OR5W2: variants seen among roughly 807,000 people sequenced by gnomAD.
The protein encoded by OR5W2 is olfactory receptor 5W2.
For synonymous variants in OR5W2, 164 were observed against 138.2 expected, an observed-to-expected ratio of 1.19 and a Z score of -1.31; for missense variants, 444 against 357.1, an observed-to-expected ratio of 1.24 and a Z score of -1.96.
chr11:55,913,722 G>C lies in OR5W2; in HGVS notation c.861C>G (p.Pro287=). 6.2e-7 allele frequency: 1 copy of C among 1,613,896 alleles called. No individual in the cohort carries two copies. The highest frequency in any genetic ancestry group is 2.2e-5 in the East Asian group (1 of 44,868). Residue 287 remains proline (P), a synonymous_variant, in exon 1 of 1, where the codon CCC becomes CCG. Coordinates refer to ENST00000344514, the MANE Select transcript of OR5W2 (RefSeq NM_001001960.1). ...FYTLVVPMLN[P]LIYSLRNKDV... ...CCTTGTTCCTCAGGCTATAAATCAG[G>C]GGGTTCAACATGGGAACCACAAGGG...
rs1325256717 is a variant in OR5W2 at position 55,914,001 on chromosome 11, G to A, written c.582C>T (p.Val194=). ...AGACGGTGAATAACACTAACTCATT[G>A]ACCTGTGTATCTGAGCGAGAGAGTA... The part of the protein sequence containing the change: ...LLLLSRSDTQ[V]NELVLFTVFG... The change falls in exon 1 of 1, where the codon GTC becomes GTT. Residue 194 remains valine, a synonymous_variant. Coordinates refer to ENST00000344514, the MANE Select transcript of OR5W2 (RefSeq NM_001001960.1). 1.2e-5 allele frequency: 19 copies of A among 1,612,574 alleles called. No homozygotes were observed. Among genetic ancestry groups the A allele is most frequent in the Non-Finnish European group, 1.6e-5 (19 of 1,178,592 alleles).
Position 55,914,556 on chromosome 11 carries a change from T to G in OR5W2, c.27A>C (p.Leu9Phe). The change falls in exon 1 of 1, where the codon TTA becomes TTC. Residue 9 changes from leucine (L) to phenylalanine (F), a missense_variant. By Grantham distance (22) the Leu-to-Phe change is conservative. Coordinates refer to ENST00000344514, the MANE Select transcript of OR5W2 (RefSeq NM_001001960.1). The stretch of plus-strand genomic sequence containing the variant: ...TAATTCCCAAGAGAAAAAAATCAGT[T>G]AATGAGGAGCAATTTTCCCAGTCCA... MDWENCSS[L>F]TDFFLLGITN... 1 of 1,602,046 alleles carries G rather than the reference T, an allele frequency of 6.2e-7. No individual in the cohort carries two copies. Among genetic ancestry groups the G allele is most frequent in the South Asian group, 1.1e-5 (1 of 89,796 alleles).
rs1483059487 is a variant in OR5W2, at chr11:55,914,118, A to G, written c.465T>C (p.Asp155=). 1.2e-6 allele frequency: 2 copies of G among 1,613,958 alleles called. No homozygotes were observed. The highest frequency in any genetic ancestry group is 1.3e-5 in the African/African-American group (1 of 75,064). ...AGGCCAGTGTCATATGTATCAAAGCATCTGCTATTCCCACCAGATAAACCC... is the reference window on the plus strand; with the variant it reads ...AGGCCAGTGTCATATGTATCAAAGCGTCTGCTATTCCCACCAGATAAACCC... ...LTGVYLVGIA[D]ALIHMTLAFR... is the part of the protein sequence containing the mutation. The change falls in exon 1 of 1, where the codon GAT becomes GAC. Residue 155 remains aspartate (D), a synonymous_variant. Transcript: ENST00000344514.
In OR5W2 at chr11:55,913,940, A is replaced by G. The variant is rs17596422; in HGVS notation, c.643T>C (p.Phe215Leu). The change falls in exon 1 of 1, where the codon TTC (phenylalanine) becomes CTC (leucine). Residue 215 changes from phenylalanine (F) to leucine (L), a missense_variant. Phe to Leu is a conservative substitution (Grantham distance 22). Coordinates refer to ENST00000344514, the MANE Select transcript of OR5W2 (RefSeq NM_001001960.1). The stretch of plus-strand genomic sequence containing the variant: ...AGGATGATATAACAATAAGAAATGA[A>G]AACTCCTGAAATGGTACTCAGTTCA... ...FIELSTISGVFISYCYIILSV... is the reference protein window; with the variant it reads ...FIELSTISGVLISYCYIILSV... 0.072 allele frequency: 116,411 copies of G among 1,612,896 alleles called. 4,853 individuals are homozygous for G. The highest frequency in any genetic ancestry group is 0.082 in the Non-Finnish European group (96,403 of 1,178,888).
rs1854919948 is a variant in OR5W2 at position 55,914,384 on chromosome 11, A to T, written c.199T>A (p.Ser67Thr). Reference protein sequence around the residue: ...TPMYFFLSHLSFCDLCYSTAT... With the variant: ...TPMYFFLSHLTFCDLCYSTAT... ...GTAGAATAGCAGAGATCACAGAAAG[A>T]CAGATGACTGAGGAAGAAATACATT... The change falls in exon 1 of 1, where the codon TCT (serine) becomes ACT (threonine). Residue 67 changes from serine (S) to threonine (T), a missense_variant. Physicochemically the swap from Ser to Thr is moderately conservative, Grantham distance 58 (BLOSUM62 1). Coordinates refer to ENST00000344514, the MANE Select transcript of OR5W2 (RefSeq NM_001001960.1). 6.8e-6 allele frequency: 11 copies of T among 1,613,862 alleles called. No homozygotes were observed. In the South Asian group the frequency reaches 8.8e-5, roughly 13 times the overall value.
rs751239972 is a variant in OR5W2, at chr11:55,913,921, A to T, written c.662T>A (p.Ile221Asn). ...GTGTATCTCCAAGACTGATAGGATGATATAACAATAAGAAATGAAAACTCC... is the reference window on the plus strand; with the variant it reads ...GTGTATCTCCAAGACTGATAGGATGTTATAACAATAAGAAATGAAAACTCC... ...ISGVFISYCYIILSVLEIHSA... is the reference protein window; with the variant it reads ...ISGVFISYCYNILSVLEIHSA... The change falls in exon 1 of 1, where the codon ATC (isoleucine) becomes AAC (asparagine). Residue 221 changes from isoleucine to asparagine, a missense_variant. Transcript: ENST00000344514. The T allele has an allele frequency of 6.2e-7, 1 of 1,613,996 alleles. No homozygotes were observed. The highest frequency in any genetic ancestry group is 2.2e-5 in the East Asian group (1 of 44,884).
At position 55,914,302 on chromosome 11, in the gene OR5W2, A is replaced by G; in HGVS notation, c.281T>C (p.Phe94Ser). The G allele has an allele frequency of 6.2e-7, 1 of 1,614,158 alleles. No homozygotes were observed. The highest frequency in any genetic ancestry group is 8.5e-7 in the Non-Finnish European group (1 of 1,180,026). The change falls in exon 1 of 1, where the codon TTC (phenylalanine) becomes TCC (serine). Residue 94 changes from phenylalanine (F) to serine (S), a missense_variant. Coordinates refer to ENST00000344514, the MANE Select transcript of OR5W2 (RefSeq NM_001001960.1). ...CAAGAATTGCAGAGCACAGCCATAG[A>G]AGGGTATTGACTTGTTCTTGGCAAG... ...DLLAKNKSIP[F>S]YGCALQFLVF...
chr11:55,914,259 T>G lies in OR5W2; in HGVS notation c.324A>C (p.Ala108=). 1 of 1,614,020 alleles carries G rather than the reference T, an allele frequency of 6.2e-7. No individual in the cohort carries two copies. The highest frequency in any genetic ancestry group is 8.5e-7 in the Non-Finnish European group (1 of 1,179,984). ...CTGACAGCAGTAGACACTCAGAATCTGCAAAGATACAGAAGACCAAGAATT... is the reference window on the plus strand; with the variant it reads ...CTGACAGCAGTAGACACTCAGAATCGGCAAAGATACAGAAGACCAAGAATT... The part of the protein sequence containing the change: ...ALQFLVFCIF[A]DSECLLLSVM... The change falls in exon 1 of 1, where the codon GCA becomes GCC. Residue 108 remains alanine, a synonymous_variant. Coordinates refer to ENST00000344514, the MANE Select transcript of OR5W2 (RefSeq NM_001001960.1).
chr11:55,914,244 T>G lies in OR5W2; in HGVS notation c.339A>C (p.Leu113=), dbSNP rs1854917501. The change falls in exon 1 of 1, where the codon CTA becomes CTC. Residue 113 remains leucine, a synonymous_variant. Transcript: ENST00000344514. ...GATCAAAGGCCATCACTGACAGCAG[T>G]AGACACTCAGAATCTGCAAAGATAC... The part of the protein sequence containing the change: ...VFCIFADSEC[L]LLSVMAFDRY... 3.1e-6 allele frequency: 5 copies of G among 1,613,886 alleles called. No individual in the cohort carries two copies. Among genetic ancestry groups the G allele is most frequent in the Middle Eastern group, 1.7e-4 (1 of 6,060 alleles).
At position 55,913,926 on chromosome 11, in the gene OR5W2, A is replaced by G; in HGVS notation, c.657T>C (p.Cys219=). ...STISGVFISY[C]YIILSVLEIH... ...TCTCCAAGACTGATAGGATGATATA[A>G]CAATAAGAAATGAAAACTCCTGAAA... Residue 219 remains cysteine, a synonymous_variant, in exon 1 of 1, where the codon TGT becomes TGC. Transcript: ENST00000344514. 6.2e-7 allele frequency: 1 copy of G among 1,614,064 alleles called. No homozygotes were observed. Among genetic ancestry groups the G allele is most frequent in the Non-Finnish European group, 8.5e-7 (1 of 1,179,926 alleles).
Position 55,914,461 on chromosome 11 carries a change from G to T in OR5W2, c.122C>A (p.Ala41Glu), listed in dbSNP as rs1590648235. Reference protein sequence around the residue: ...FLAVYIINFSANLGMIVLIRM... With the variant: ...FLAVYIINFSENLGMIVLIRM... ...GATTAAAACTATCATTCCAAGATTT[G>T]CTGAGAAATTAATGATATAAACAGC... Residue 41 changes from alanine to glutamate, a missense_variant, in exon 1 of 1, where the codon GCA (alanine) becomes GAA (glutamate). Physicochemically the swap from Ala to Glu is moderately radical, Grantham distance 107. Coordinates refer to ENST00000344514, the MANE Select transcript of OR5W2 (RefSeq NM_001001960.1). The T allele has an allele frequency of 6.2e-7, 1 of 1,613,266 alleles. No individual in the cohort carries two copies. The highest frequency in any genetic ancestry group is 2.2e-5 in the East Asian group (1 of 44,878).
At position 55,913,847 on chromosome 11, in the gene OR5W2, A is replaced by C; in HGVS notation, c.736T>G (p.Ser246Ala). 4.3e-6 allele frequency: 7 copies of C among 1,614,144 alleles called. No homozygotes were observed. The highest frequency in any genetic ancestry group is 5.9e-6 in the Non-Finnish European group (7 of 1,179,998). ...KALSTCTSHL[S>A]AVAIFQGTLL... The stretch of plus-strand genomic sequence containing the variant: ...GTTCCCTGGAAAATTGCAACCGCAG[A>C]TAAGTGGGAAGTGCATGTAGAGAGA... Residue 246 changes from serine to alanine, a missense_variant, in exon 1 of 1, where the codon TCT becomes GCT. Coordinates refer to ENST00000344514, the MANE Select transcript of OR5W2 (RefSeq NM_001001960.1).
chr11:55,914,368 C>G lies in OR5W2; in HGVS notation c.215G>C (p.Cys72Ser). The change falls in exon 1 of 1, where the codon TGC (cysteine) becomes TCC (serine). Residue 72 changes from cysteine to serine, a missense_variant. By Grantham distance (112) the Cys-to-Ser change is moderately radical (BLOSUM62 -1). Transcript: ENST00000344514. ...FLSHLSFCDL[C>S]YSTATGPKML... ...CTTGGGCCCAGTTGCAGTAGAATAGCAGAGATCACAGAAAGACAGATGACT... is the reference window on the plus strand; with the variant it reads ...CTTGGGCCCAGTTGCAGTAGAATAGGAGAGATCACAGAAAGACAGATGACT... 1.2e-6 allele frequency: 2 copies of G among 1,613,856 alleles called. No individual in the cohort carries two copies. Among genetic ancestry groups the G allele is most frequent in the Non-Finnish European group, 1.7e-6 (2 of 1,179,766 alleles).
chr11:55,914,448 C>T lies in OR5W2; in HGVS notation c.135G>A (p.Met45Ile), dbSNP rs756695449. 2 of 1,613,738 alleles carry T rather than the reference C, an allele frequency of 1.2e-6. No individual in the cohort carries two copies. Among genetic ancestry groups the T allele is most frequent in the East Asian group, 4.5e-5 (2 of 44,878 alleles). Reference protein sequence around the residue: ...YIINFSANLGMIVLIRMDYQL... With the variant: ...YIINFSANLGIIVLIRMDYQL... ...GGTAATCCATTCTGATTAAAACTAT[C>T]ATTCCAAGATTTGCTGAGAAATTAA... The change falls in exon 1 of 1, where the codon ATG (methionine) becomes ATA (isoleucine). Residue 45 changes from methionine to isoleucine, a missense_variant. Coordinates refer to ENST00000344514, the MANE Select transcript of OR5W2 (RefSeq NM_001001960.1).
rs1435452875 is a variant in OR5W2, at chr11:55,913,747, G to A, written c.836C>T (p.Thr279Ile). 2.5e-6 allele frequency: 4 copies of A among 1,613,806 alleles called. No individual in the cohort carries two copies. Among genetic ancestry groups the A allele is most frequent in the East Asian group, 2.2e-5 (1 of 44,886 alleles). ...DQDKMTSLFY[T>I]LVVPMLNPLI... ...GGGGTTCAACATGGGAACCACAAGG[G>A]TGTAAAACAATGAGGTCATTTTATC... Residue 279 changes from threonine (T) to isoleucine (I), a missense_variant, in exon 1 of 1, where the codon ACC becomes ATC. Transcript: ENST00000344514.
chr11:55,914,346 G>A lies in OR5W2; in HGVS notation c.237C>T (p.Pro79=). 6.2e-7 allele frequency: 1 copy of A among 1,614,046 alleles called. No homozygotes were observed. The change falls in exon 1 of 1, where the codon CCC becomes CCT. Residue 79 remains proline (P), a synonymous_variant. Transcript: ENST00000344514. ...TGGCAAGTAGATCTACCAGCATCTT[G>A]GGCCCAGTTGCAGTAGAATAGCAGA... is the stretch of plus-strand genomic sequence containing the variant. ...CDLCYSTATG[P]KMLVDLLAKN... is the part of the protein sequence containing the mutation.
In OR5W2 at chr11:55,913,683, G is replaced by T; in HGVS notation, c.900C>A (p.Ala300=). The change falls in exon 1 of 1, where the codon GCC becomes GCA. Residue 300 remains alanine, a synonymous_variant. Transcript: ENST00000344514. The part of the protein sequence containing the change: ...YSLRNKDVKE[A]LKKLKNKILF The stretch of plus-strand genomic sequence containing the variant: ...AAATTTTATTTTTCAGTTTTTTCAG[G>T]GCCTCTTTCACATCCTTGTTCCTCA... 6.3e-7 allele frequency: 1 copy of T among 1,588,530 alleles called. No homozygotes were observed. Among genetic ancestry groups the T allele is most frequent in the East Asian group, 2.2e-5 (1 of 44,696 alleles).
rs757213867 is a variant in OR5W2, at chr11:55,914,198, G to T, written c.385C>A (p.Pro129Thr). The change falls in exon 1 of 1, where the codon CCC (proline) becomes ACC (threonine). Residue 129 changes from proline to threonine, a missense_variant. Physicochemically the swap from Pro to Thr is conservative, Grantham distance 38. Transcript: ENST00000344514. ...AFDRYKAIIN[P>T]LLYTVNMSSR... ...GACATGTTGACTGTATAGAGCAGGG[G>T]GTTGATGATGGCCTTGTACCGATCA... 4 of 1,614,046 alleles carry T rather than the reference G, an allele frequency of 2.5e-6. No homozygotes were observed. In the African/African-American group the frequency reaches 4.0e-5, roughly 16 times the overall value.
In OR5W2 at chr11:55,913,666, T is replaced by A. The variant is rs1854906569; in HGVS notation, c.917A>T (p.Asn306Ile). 1 of 1,578,172 alleles carries A rather than the reference T, an allele frequency of 6.3e-7. No homozygotes were observed. The highest frequency in any genetic ancestry group is 8.6e-7 in the Non-Finnish European group (1 of 1,165,432). The change falls in exon 1 of 1, where the codon AAT (asparagine) becomes ATT (isoleucine). Residue 306 changes from asparagine to isoleucine, a missense_variant. Transcript: ENST00000344514. ...DVKEALKKLK[N>I]KILF Reference sequence around the variant, plus strand: ...ACTATTTCCTTAAAATAAAATTTTATTTTTCAGTTTTTTCAGGGCCTCTTT... The same window carrying A: ...ACTATTTCCTTAAAATAAAATTTTAATTTTCAGTTTTTTCAGGGCCTCTTT...
Sources: allele counts gnomAD v4.1 joint callset, GRCh38; gene constraint gnomAD v4.1.1; transcripts MANE v1.5; gene names NCBI Gene and HGNC (gene_info 2026-07-23, HGNC 2026-07-21).